The following ASH1L variants were observed in gnomAD, a reference collection of about 807,000 sequenced individuals.
The protein encoded by ASH1L is ASH1 like histone lysine methyltransferase.
Under a neutral mutation model 269.0 loss-of-function variants are expected in ASH1L, and 23 were observed. The observed-to-expected ratio is 0.09, with a 90% confidence interval of 0.06 to 0.12. The LOEUF is 0.12. ASH1L is among the 10% of genes least tolerant of loss of function. The probability of loss-of-function intolerance (pLI) is 1.00; values close to 1 mark genes in which losing one functional copy is unlikely to be tolerated. For missense variants in ASH1L, 2,912 were observed against 3,567.8 expected, an observed-to-expected ratio of 0.82 and a Z score of 4.68; for synonymous variants, 1,187 against 1,253.5, an observed-to-expected ratio of 0.95 and a Z score of 1.12.
chr1:155,486,566 G>A (rs1050282145), intron 2 of ASH1L, among the ~76,000 whole-genome samples: 29 of 152,118 alleles, frequency 1.9e-4, no homozygotes, highest in African/African-American at 7.0e-4. Flanking sequence ...CAACACAAAG[G>A]ATAAATGCTT....
chr1:155,490,614 T>TCACACACA (rs144278501), intron 2 of ASH1L, among the ~76,000 whole-genome samples: 8,975 of 142,308 alleles, frequency 0.063, 349 homozygotes, highest in Middle Eastern at 0.11. Context: ...CCAGACTACG[T>TCACACACA]CACACACACA....
rs41264229 is a variant in ASH1L, at chr1:155,336,649, T to C, written c.*1011A>G. Reference sequence around the variant, plus strand: ...GGGCTAGGGGTGAAGAGAAATATACTGTCTCTTTAAGAAAGGGACATTGAA... The same window carrying C: ...GGGCTAGGGGTGAAGAGAAATATACCGTCTCTTTAAGAAAGGGACATTGAA... On this transcript the variant is annotated 3_prime_UTR_variant, in exon 28 of 28. Coordinates refer to ENST00000392403, the MANE Select transcript of ASH1L (RefSeq NM_018489.3). 2,433 of 152,746 alleles carry C rather than the reference T, an allele frequency of 0.016. 43 individuals are homozygous for C. The highest frequency in any genetic ancestry group is 0.027 in the Non-Finnish European group (1,864 of 68,006). 9.5% of individuals were successfully genotyped at this position (152,746 alleles called of 1,614,324 possible).
At chr1:155,527,480 T>G (rs2148858479) in intron 1 of ASH1L, among the ~76,000 whole-genome samples, 1 of 151,684 alleles carries the variant, frequency 6.6e-6, no homozygotes, top group East Asian at 2.0e-4. Context: ...ATCAACAGAA[T>G]TTGGCACAGC....
At chr1:155,562,067 A>C (rs1672014759) in intron 1 of ASH1L, 86 bp downstream of exon 1, 1 of 903,994 alleles carries the variant, frequency 1.1e-6, no homozygotes, top group South Asian at 1.6e-5. Context: ...CAGGTCCGGG[A>C]GATGACAGTG....
chr1:155,413,736 T>C (rs1322290327), intron 6 of ASH1L, among the ~76,000 whole-genome samples: 1 of 152,044 alleles, frequency 6.6e-6, no homozygotes, highest in Non-Finnish European at 1.5e-5. Flanking sequence ...ATCTTAGGAA[T>C]GCATAATTAG....
intron 4 of ASH1L, among the ~76,000 whole-genome samples, chr1:155,443,271 G>A (rs1662744910): frequency 1.3e-5 from 2 of 152,128 alleles, no homozygotes; most frequent in Non-Finnish European, 2.9e-5. Context: ...ACACACTTTT[G>A]AAGCCTCCTT....
chr1:155,449,762 G>GC (rs1558119364), intron 4 of ASH1L, among the ~76,000 whole-genome samples: 2 of 151,544 alleles, frequency 1.3e-5, no homozygotes, highest in Admixed American at 6.6e-5. Flanking sequence ...CTCATGATCT[G>GC]CCCGTCTCAG....
At chr1:155,425,015 G>A (rs545100269) in intron 5 of ASH1L, among the ~76,000 whole-genome samples, 80 of 152,090 alleles carry the variant, frequency 5.3e-4, no homozygotes, top group African/African-American at 1.8e-3. Context: ...CTGTGGCCAG[G>A]CTGGAGTGCA....
chr1:155,491,714 G>A (rs1666801867), intron 2 of ASH1L, among the ~76,000 whole-genome samples: 1 of 151,868 alleles, frequency 6.6e-6, no homozygotes, highest in Non-Finnish European at 1.5e-5. Flanking sequence ...CTATCACCCA[G>A]GCTGGAGTGC....
intron 1 of ASH1L, among the ~76,000 whole-genome samples, chr1:155,556,595 C>T (rs919022005): frequency 1.3e-5 from 2 of 151,962 alleles, no homozygotes; most frequent in African/African-American, 4.8e-5. Context: ...CAGGCACATG[C>T]CACCTGCGCC....
At chr1:155,337,869 T>C in intron 27 of ASH1L, 118 bp from the exon 28 acceptor site, 2 of 1,111,550 alleles carry the variant, frequency 1.8e-6, no homozygotes, top group South Asian at 1.4e-5. Context: ...ATAAGCAATT[T>C]AGCCCATCCT....
At chr1:155,556,239 A>C (rs1671577095) in intron 1 of ASH1L, among the ~76,000 whole-genome samples, 1 of 152,112 alleles carries the variant, frequency 6.6e-6, no homozygotes, top group African/African-American at 2.4e-5. Context: ...AAAATTAACC[A>C]GATGTGGTGG....
chr1:155,383,490 T>C (rs1447720433), intron 7 of ASH1L, among the ~76,000 whole-genome samples: 2 of 152,238 alleles, frequency 1.3e-5, no homozygotes, highest in Non-Finnish European at 2.9e-5. Context: ...CACAACTGAC[T>C]ACTGTATTCA....
intron 5 of ASH1L, among the ~76,000 whole-genome samples, chr1:155,436,335 G>C (rs958556523): frequency 6.6e-6 from 1 of 151,646 alleles, no homozygotes; most frequent in Admixed American, 6.6e-5. Context: ...GGGATTACAG[G>C]CATGTGCCAC....
chr1:155,546,093 G>A (rs1488100726), intron 1 of ASH1L, among the ~76,000 whole-genome samples: 1 of 151,634 alleles, frequency 6.6e-6, no homozygotes, highest in Non-Finnish European at 1.5e-5. Flanking sequence ...GGGAGATGGA[G>A]GCTGCAGTGA....
chr1:155,477,310 G>C (rs1176235486), intron 3 of ASH1L, among the ~76,000 whole-genome samples: 3 of 152,034 alleles, frequency 2.0e-5, no homozygotes, highest in African/African-American at 7.2e-5. Context: ...CAGCTTTTAT[G>C]AAAACATCAA....
chr1:155,363,225 C>T (rs989688795), intron 12 of ASH1L, among the ~76,000 whole-genome samples: 4 of 151,958 alleles, frequency 2.6e-5, no homozygotes, highest in South Asian at 4.2e-4. Context: ...TCTCGTGATC[C>T]GCCTGCCTTG....
chr1:155,445,856 T>C (rs957498721), intron 4 of ASH1L, among the ~76,000 whole-genome samples: 4 of 152,008 alleles, frequency 2.6e-5, no homozygotes, highest in Admixed American at 6.6e-5. Context: ...AGTGAGTACA[T>C]AGATTGTGTG....
intron 6 of ASH1L, among the ~76,000 whole-genome samples, chr1:155,401,566 G>A (rs1431172448): frequency 2.0e-5 from 3 of 151,812 alleles, no homozygotes; most frequent in Non-Finnish European, 4.4e-5. Context: ...TGGATCACCA[G>A]AGGTCAGGTC....
Sources: gnomAD v4.1 joint callset for allele counts (sites outside exome capture counted in the v4.1 genomes callset) on GRCh38, gnomAD v4.1.1 for gene constraint, MANE v1.5 for transcripts, NCBI Gene and HGNC (gene_info 2026-07-23, HGNC 2026-07-21) for gene names.